AGBL1: variants seen among roughly 807,000 people sequenced by gnomAD.
The protein encoded by AGBL1 is AGBL carboxypeptidase 1.
AGBL1 carries 130 observed loss-of-function variants against 118.9 expected under a neutral mutation model. The observed-to-expected ratio is 1.09, with a 90% confidence interval of 0.95 to 1.26. The LOEUF is 1.26. Ranked by LOEUF, AGBL1 falls within the 50% of genes most tolerant of loss-of-function variation. The pLI is 0.00. For synonymous variants in AGBL1, 555 were observed against 478.9 expected (o/e 1.16, Z -2.08); for missense variants, 1,584 against 1,298.1 (o/e 1.22, Z -3.38).
chr15:86,530,527 A>G (rs2083334834), intron 19 of AGBL1, among the ~76,000 whole-genome samples: 1 of 136,888 alleles, frequency 7.3e-6, no homozygotes, highest in Admixed American at 7.0e-5. Context: ...TTAACACCCC[A>G]CTGTCAACAT....
At chr15:86,664,214 T>C (rs1344901880) in intron 21 of AGBL1, among the ~76,000 whole-genome samples, 1 of 152,128 alleles carries the variant, frequency 6.6e-6, no homozygotes, top group Admixed American at 6.6e-5. Context: ...GCCCATCAGA[T>C]GAAAGCTGGC....
In AGBL1 at chr15:86,615,196, C is replaced by T. The variant is rs2084704501; in HGVS notation, c.2995-59077C>T. 6.6e-6 allele frequency among the ~76,000 whole-genome samples: 1 copy of T among 152,186 alleles called. No homozygotes were observed. The highest frequency in any genetic ancestry group is 2.4e-5 in the African/African-American group (1 of 41,428). On this transcript the variant is annotated intron_variant, in intron 21 of 22. Transcript: ENST00000614907. The surrounding 1 kb of genome is among the most constrained non-coding windows in gnomAD (Gnocchi z 4.3). ...TAGCAGATTTGCCTTCCAGATGCCTCTGCCAGCAATGCGGGAGATTAATTC... is the reference window on the plus strand; with the variant it reads ...TAGCAGATTTGCCTTCCAGATGCCTTTGCCAGCAATGCGGGAGATTAATTC...
At chr15:86,740,382 G>A (rs1027897698) in intron 22 of AGBL1, among the ~76,000 whole-genome samples, 1 of 152,162 alleles carries the variant, frequency 6.6e-6, no homozygotes, top group Non-Finnish European at 1.5e-5. Context: ...CACCCAGAAA[G>A]TTCTAAGATT....
chr15:86,996,767 T>C (rs1053039275), intron 24 of AGBL1, among the ~76,000 whole-genome samples: 1 of 152,194 alleles, frequency 6.6e-6, no homozygotes, highest in Non-Finnish European at 1.5e-5. Flanking sequence ...TTTTGACTGA[T>C]AAGAATCATT....
In AGBL1 at chr15:86,914,541, C is replaced by T. The variant is rs546370683; in HGVS notation, c.*7247C>T. 2 of 152,298 alleles carry T rather than the reference C, an allele frequency of 1.3e-5. No homozygotes were observed. The highest frequency in any genetic ancestry group is 2.1e-4 in the South Asian group (1 of 4,816). 9.4% of individuals were successfully genotyped at this position (152,298 alleles called of 1,614,324 possible). A position where few individuals can be genotyped will look rare whatever the true frequency, so the allele number is the denominator to read the frequency against. ...AATATGAACCATAACACAGTTACAG[C>T]TAACGTGGTAATTAGCAACACTTAG... On this transcript the variant is annotated 3_prime_UTR_variant, in exon 23 of 23. Transcript: ENST00000614907.
intron 21 of AGBL1, among the ~76,000 whole-genome samples, chr15:86,583,103 AT>A (rs2084196486): frequency 6.6e-6 from 1 of 151,848 alleles, no homozygotes; most frequent in Non-Finnish European, 1.5e-5. Flanking sequence ...ATGATTAGCT[AT>A]TATTTTATCT....
intron 22 of AGBL1, among the ~76,000 whole-genome samples, chr15:86,758,006 A>G (rs1438181794): frequency 6.6e-6 from 1 of 152,094 alleles, no homozygotes; most frequent in African/African-American, 2.4e-5. Flanking sequence ...CATGGAGGGG[A>G]TCTCAAGACA....
At chr15:86,180,560 G>C in intron 5 of AGBL1, among the ~76,000 whole-genome samples, 1 of 152,096 alleles carries the variant, frequency 6.6e-6, no homozygotes, top group East Asian at 1.9e-4. Flanking sequence ...GCAACCTACA[G>C]CTATAACATT....
intron 24 of AGBL1, among the ~76,000 whole-genome samples, chr15:87,019,135 C>A (rs1330246857): frequency 6.6e-6 from 1 of 152,022 alleles, no homozygotes; most frequent in African/African-American, 2.4e-5. Context: ...TTTTTAGAGA[C>A]CTACAAAAAG....
chr15:86,251,821 G>GGA lies in AGBL1; in HGVS notation c.735+3942_735+3943insGA, dbSNP rs1555455886. 6.1e-3 allele frequency among the ~76,000 whole-genome samples: 893 copies of GGA among 146,366 alleles called. 8 individuals carry two copies. The highest frequency in any genetic ancestry group is 0.022 in the African/African-American group (865 of 39,910). On this transcript the variant is annotated intron_variant, in intron 7 of 22. Coordinates refer to ENST00000614907, the MANE Select transcript of AGBL1 (RefSeq NM_001386094.1). ...CGGATGACAATTTGAATGCAAGATT[G>GGA]AAAAAAAAAAAGAACTCCTACAAGG...
intron 22 of AGBL1, among the ~76,000 whole-genome samples, chr15:86,853,789 C>T (rs770814617): frequency 2.6e-5 from 4 of 152,150 alleles, no homozygotes; most frequent in South Asian, 4.1e-4. Flanking sequence ...TAAAGAACAT[C>T]GGACTAAAAG....
In AGBL1 at chr15:87,024,726, A is replaced by C. The variant is rs544195386; in HGVS notation, c.3324-4099A>C. On this transcript the variant is annotated intron_variant, in intron 24 of 24. Coordinates refer to the AGBL1 transcript ENST00000441037. The stretch of plus-strand genomic sequence containing the variant: ...ATATCCCTGATGAACATAGATGCTA[A>C]AATCCTCAACAAAATACTAGTTAAC... 1.5e-4 allele frequency among the ~76,000 whole-genome samples: 23 copies of C among 152,224 alleles called. No homozygotes were observed. The East Asian group carries it at 4.3e-3, about 28-fold the overall frequency.
chr15:86,291,916 G>A (rs1176519337), intron 16 of AGBL1, among the ~76,000 whole-genome samples: 4 of 152,126 alleles, frequency 2.6e-5, no homozygotes, highest in African/African-American at 7.2e-5. Context: ...AGATACATGG[G>A]CCTCTGCTGG....
At chr15:86,102,908 T>C (rs1896820513) in intron 1 of AGBL1, among the ~76,000 whole-genome samples, 1 of 152,194 alleles carries the variant, frequency 6.6e-6, no homozygotes, top group African/African-American at 2.4e-5. Context: ...TATTTTTCTA[T>C]TGTCTTTCTA....
chr15:87,008,430 G>A lies in AGBL1; in HGVS notation c.3323+20342G>A, dbSNP rs528651078. Among the ~76,000 whole-genome samples, 505 of 152,298 alleles carry A rather than the reference G, an allele frequency of 3.3e-3. 3 individuals are homozygous for A. Among genetic ancestry groups the A allele is most frequent in the Middle Eastern group, 6.8e-3 (2 of 294 alleles). ...CCTCCTTGCCTTCCGCCATGATTGTGAGGTCTCCCCAGCCATGTGGAACTG... is the reference window on the plus strand; with the variant it reads ...CCTCCTTGCCTTCCGCCATGATTGTAAGGTCTCCCCAGCCATGTGGAACTG... On this transcript the variant is annotated intron_variant, in intron 24 of 24. Transcript: ENST00000441037.
At chr15:86,525,933 C>G (rs1200624747) in intron 19 of AGBL1, among the ~76,000 whole-genome samples, 1 of 152,184 alleles carries the variant, frequency 6.6e-6, no homozygotes, top group East Asian at 1.9e-4. Flanking sequence ...AGACAACCTA[C>G]AGAATGGGAG....
At chr15:86,093,824 C>G (rs1038417617) in intron 1 of AGBL1, among the ~76,000 whole-genome samples, 1 of 152,076 alleles carries the variant, frequency 6.6e-6, no homozygotes, top group South Asian at 2.1e-4. Flanking sequence ...GGAAGGGAAG[C>G]AGAGAATGAG....
intron 1 of AGBL1, among the ~76,000 whole-genome samples, chr15:86,135,625 A>AT (rs2076878987): frequency 6.6e-6 from 1 of 152,198 alleles, no homozygotes; most frequent in African/African-American, 2.4e-5. Context: ...AGTTCCCTGA[A>AT]TGCCTACTGT....
chr15:86,512,738 T>C (rs888271765), intron 18 of AGBL1, among the ~76,000 whole-genome samples: 1 of 151,866 alleles, frequency 6.6e-6, no homozygotes, highest in African/African-American at 2.4e-5. Context: ...TTTTCTACCC[T>C]TCTACAGAAT....
Sources: gnomAD v4.1 joint callset for allele counts (sites outside exome capture counted in the v4.1 genomes callset) on GRCh38, gnomAD v4.1.1 for gene constraint, Gnocchi (gnomAD v3.1) non-coding constraint, MANE v1.5 for transcripts, NCBI Gene and HGNC (gene_info 2026-07-23, HGNC 2026-07-21) for gene names.